UGGT1: variants seen among roughly 807,000 people sequenced by gnomAD.
UGGT1 encodes the protein UDP-glucose glycoprotein glucosyltransferase 1.
UGGT1 carries 107 observed loss-of-function variants against 203.9 expected under a neutral mutation model. That is an observed-to-expected ratio of 0.52 (90% confidence interval 0.45 to 0.62). The LOEUF is 0.62. Among genes scored for constraint, UGGT1 ranks in the 20% least tolerant of loss-of-function variants. The probability of loss-of-function intolerance (pLI) is 0.00; values close to 1 mark genes in which losing one functional copy is unlikely to be tolerated. For synonymous variants in UGGT1, 628 were observed against 653.5 expected (o/e 0.96, Z 0.59); for missense variants, 1,673 against 1,867.2 (o/e 0.90, Z 1.92).
intron 25 of UGGT1, among the ~76,000 whole-genome samples, chr2:128,162,523 T>G (rs1399798235): frequency 6.6e-6 from 1 of 152,108 alleles, no homozygotes; most frequent in African/African-American, 2.4e-5. Flanking sequence ...AGTGTTGACT[T>G]GGATAGCTGT....
chr2:128,121,087 C>A, intron 9 of UGGT1, 112 bp from the exon 10 acceptor site: 7 of 992,620 alleles, frequency 7.1e-6, no homozygotes, highest in Non-Finnish European at 1.1e-5. Flanking sequence ...TGGTTGCATT[C>A]GAAGATATTC....
intron 25 of UGGT1, among the ~76,000 whole-genome samples, chr2:128,163,845 T>G (rs1166147783): frequency 1.3e-5 from 2 of 152,158 alleles, no homozygotes; most frequent in African/African-American, 2.4e-5. Context: ...AATATTTAGA[T>G]TATTTTGTAT....
intron 23 of UGGT1, 36 bp from the exon 24 acceptor site, chr2:128,160,424 A>G (rs749521585): frequency 6.4e-7 from 1 of 1,568,560 alleles, no homozygotes; most frequent in South Asian, 1.2e-5. Flanking sequence ...TTGCTTAGTA[A>G]CGACTATTTT....
At chr2:128,122,828 CA>C (rs544051309) in intron 10 of UGGT1, among the ~76,000 whole-genome samples, 25 of 152,180 alleles carry the variant, frequency 1.6e-4, no homozygotes, top group Non-Finnish European at 3.1e-4. Context: ...CCACCTCCAC[CA>C]TAAGTGCTTA....
In UGGT1 at chr2:128,161,090, T is replaced by C. The variant is rs1016104987; in HGVS notation, c.2695-48T>C. The C allele has an allele frequency of 2.5e-6, 4 of 1,606,524 alleles. No individual in the cohort carries two copies. The Admixed American group carries it at 6.8e-5, about 27-fold the overall frequency. ...GAGGGTTCCTTACCAGCTTGCTGAG[T>C]GCAGGCAGCCTTCCAGAGCTAAGCG... On this transcript the variant is annotated intron_variant, in intron 24 of 40. Coordinates refer to ENST00000259253, the MANE Select transcript of UGGT1 (RefSeq NM_020120.4).
intron 17 of UGGT1, among the ~76,000 whole-genome samples, chr2:128,144,849 C>A (rs550297604): frequency 6.6e-6 from 1 of 152,134 alleles, no homozygotes; most frequent in East Asian, 1.9e-4. Flanking sequence ...TAATTAAATT[C>A]TGCTATTTTC....
chr2:128,156,043 C>T (rs928342022), intron 20 of UGGT1, among the ~76,000 whole-genome samples: 3 of 152,218 alleles, frequency 2.0e-5, no homozygotes, highest in African/African-American at 7.2e-5. Context: ...AAATGACGCC[C>T]TGTAGTGGCG....
At chr2:128,104,514 T>C (rs1386679100) in intron 3 of UGGT1, among the ~76,000 whole-genome samples, 1 of 152,274 alleles carries the variant, frequency 6.6e-6, no homozygotes, top group African/African-American at 2.4e-5. Context: ...GTTTTTATGA[T>C]GTGCTTTCAC....
At position 128,179,856 on chromosome 2, in the gene UGGT1, T is replaced by G. The variant is rs1691597953; in HGVS notation, c.3886T>G (p.Ser1296Ala). The G allele has an allele frequency of 6.2e-7, 1 of 1,613,614 alleles. No individual in the cohort carries two copies. The highest frequency in any genetic ancestry group is 1.3e-5 in the African/African-American group (1 of 75,050). The change falls in exon 35 of 41, where the codon TCC (serine) becomes GCC (alanine). Residue 1296 changes from serine to alanine, a missense_variant. Transcript: ENST00000259253. The part of the protein sequence containing the change: ...VKFWFLKNYL[S>A]PTFKEFIPYM... ...ATTCTGGTTCTTGAAGAATTACTTG[T>G]CCCCCACATTTAAGGTTTGTTTCAC... is the stretch of plus-strand genomic sequence containing the variant.
intron 14 of UGGT1, among the ~76,000 whole-genome samples, chr2:128,133,835 A>C (rs926152645): frequency 4.0e-5 from 6 of 151,742 alleles, no homozygotes; most frequent in African/African-American, 1.5e-4. Flanking sequence ...TTGTTTGCCA[A>C]CTCCTACTTG....
intron 2 of UGGT1, among the ~76,000 whole-genome samples, chr2:128,100,732 A>T (rs987771075): frequency 6.6e-6 from 1 of 152,144 alleles, no homozygotes; most frequent in African/African-American, 2.4e-5. Flanking sequence ...TCTGTTTAAC[A>T]TTCTTACCCT....
At chr2:128,171,601 G>A (rs1462459176) in intron 28 of UGGT1, among the ~76,000 whole-genome samples, 1 of 152,066 alleles carries the variant, frequency 6.6e-6, no homozygotes, top group Non-Finnish European at 1.5e-5. Context: ...TCTGCCTCCC[G>A]GGTTCAAGGG....
chr2:128,128,323 T>TG (rs1043804322), intron 12 of UGGT1, among the ~76,000 whole-genome samples: 17 of 151,014 alleles, frequency 1.1e-4, no homozygotes, highest in Non-Finnish European at 1.3e-4. Context: ...ATCTTTTTTT[T>TG]TTTTTGGAGA....
At chr2:128,126,266 G>A (rs1012805054) in intron 11 of UGGT1, among the ~76,000 whole-genome samples, 2 of 151,644 alleles carry the variant, frequency 1.3e-5, no homozygotes, top group Non-Finnish European at 2.9e-5. Context: ...TTTTGAGACA[G>A]AGTCTTGCTC....
chr2:128,170,482 C>G, intron 27 of UGGT1, 92 bp downstream of exon 27: 1 of 1,057,822 alleles, frequency 9.5e-7, no homozygotes, highest in East Asian at 2.4e-5. Flanking sequence ...CCTTGAGTTG[C>G]CTTCAACAGG....
chr2:128,171,377 G>A, intron 28 of UGGT1, 93 bp downstream of exon 28: 1 of 1,171,480 alleles, frequency 8.5e-7, no homozygotes. Context: ...ATTTATAGGT[G>A]GACATCATGT....
Position 128,143,225 on chromosome 2 carries a change from G to T in UGGT1, c.1851G>T (p.Lys617Asn). Residue 617 changes from lysine to asparagine, a missense_variant and splice_region_variant, in exon 17 of 41, where the codon AAG (lysine) becomes AAT (asparagine). This residue lies in a region of UGGT1 where 1,073 missense variants were observed against 1,078.7 expected (regional missense o/e 0.99). Coordinates refer to ENST00000259253, the MANE Select transcript of UGGT1 (RefSeq NM_020120.4). ...ATTCTGCTTATGATCGGAATCGGAA[G>T]GTAAAAAATTTCTTTGTGTTTCTTA... ...GIDSAYDRNR[K>N]EARGYYEQTG... is the part of the protein sequence containing the mutation. The T allele has an allele frequency of 6.2e-7, 1 of 1,612,432 alleles. No individual in the cohort carries two copies. The highest frequency in any genetic ancestry group is 8.5e-7 in the Non-Finnish European group (1 of 1,179,490).
At chr2:128,160,798 G>C (rs551979692) in intron 24 of UGGT1, among the ~76,000 whole-genome samples, 1 of 152,322 alleles carries the variant, frequency 6.6e-6, no homozygotes, top group African/African-American at 2.4e-5. Context: ...GAGCCTTCCT[G>C]CTGTCGGTGA....
chr2:128,103,179 A>G, intron 2 of UGGT1: 1 of 462,064 alleles, frequency 2.2e-6, no homozygotes, highest in Non-Finnish European at 4.5e-6. Flanking sequence ...GTTTGCTTTA[A>G]GACAGTGAAA....
Sources: allele counts gnomAD v4.1 joint callset (sites outside exome capture counted in the v4.1 genomes callset), GRCh38; gene constraint gnomAD v4.1.1; regional missense constraint gnomAD v4.1.1; transcripts MANE v1.5; gene names NCBI Gene and HGNC (gene_info 2026-07-23, HGNC 2026-07-21).